The following EGR4 variants were observed in gnomAD, a reference collection of about 807,000 sequenced individuals.
EGR4 encodes early growth response protein 4.
A neutral mutation model predicts 25.4 loss-of-function variants in EGR4; 22 were observed. The observed-to-expected ratio is 0.87, with a 90% CI of 0.62 to 1.24. The LOEUF (loss-of-function observed/expected upper bound fraction) is 1.24, where lower values mean the gene tolerates loss of function less well. EGR4 is among the 50% of genes most tolerant of loss of function. The pLI, the probability that EGR4 is intolerant of heterozygous loss-of-function variation, is 0.00. For missense variants in EGR4, 742 were observed against 702.9 expected, an observed-to-expected ratio of 1.06 and a Z score of -0.63; for synonymous variants, 375 against 320.1, an observed-to-expected ratio of 1.17 and a Z score of -1.83.
rs1423428857 is a variant in EGR4, at chr2:73,291,953, G to A, written c.965C>T (p.Ala322Val). The A allele has an allele frequency of 3.1e-6, 5 of 1,590,258 alleles. No homozygotes were observed. The highest frequency in any genetic ancestry group is 4.3e-6 in the Non-Finnish European group (5 of 1,169,838). The change falls in exon 2 of 2, where the codon GCG becomes GTG. Residue 322 changes from alanine (A) to valine (V), a missense_variant. Coordinates refer to ENST00000436467, the MANE Select transcript of EGR4 (RefSeq NM_001965.4). The part of the protein sequence containing the change: ...SPLGLRSAAA[A>V]DFPKPLVADI... ...CGCCACCAGAGGTTTAGGGAAGTCCGCCGCGGCGGCGCTGCGAAGGCCCAG... is the reference window on the plus strand; with the variant it reads ...CGCCACCAGAGGTTTAGGGAAGTCCACCGCGGCGGCGCTGCGAAGGCCCAG...
Position 73,293,308 on chromosome 2 carries a change from G to C in EGR4, c.10C>G (p.Leu4Val), listed in dbSNP as rs1689148584. The change falls in exon 1 of 2, where the codon CTT becomes GTT. Residue 4 changes from leucine to valine, a missense_variant. Leu to Val is a conservative substitution (Grantham distance 32, BLOSUM62 1). Coordinates refer to ENST00000436467, the MANE Select transcript of EGR4 (RefSeq NM_001965.4). MLH[L>V]SEFSEPDALL... is the part of the protein sequence containing the mutation. ...GCGTCGGGTTCGGAAAACTCGCTAAGGTGGAGCATGGCGCGGCGCCGGCTG... is the reference window on the plus strand; with the variant it reads ...GCGTCGGGTTCGGAAAACTCGCTAACGTGGAGCATGGCGCGGCGCCGGCTG... 1 of 1,583,990 alleles carries C rather than the reference G, an allele frequency of 6.3e-7. No individual in the cohort carries two copies. The highest frequency in any genetic ancestry group is 8.6e-7 in the Non-Finnish European group (1 of 1,168,000).
Position 73,291,239 on chromosome 2 carries a change from C to T in EGR4, c.*218G>A, listed in dbSNP as rs563581257. 3 of 621,504 alleles carry T rather than the reference C, an allele frequency of 4.8e-6. No homozygotes were observed. Among genetic ancestry groups the T allele is most frequent in the Admixed American group, 3.4e-5 (1 of 29,774 alleles). The allele number at this position is 621,504 out of a possible 1,614,324, so 38.5% of individuals were successfully genotyped here. On this transcript the variant is annotated 3_prime_UTR_variant, in exon 2 of 2. Coordinates refer to ENST00000436467, the MANE Select transcript of EGR4 (RefSeq NM_001965.4). The stretch of plus-strand genomic sequence containing the variant: ...GTCTCAGAAGACTTCCCCCAAAGCG[C>T]GGCTGACAAGGGTGACAGCGCCTGG...
Position 73,291,189 on chromosome 2 carries a change from C to T in EGR4, c.*268G>A, listed in dbSNP as rs1339501192. On this transcript the variant is annotated 3_prime_UTR_variant, in exon 2 of 2. Transcript: ENST00000436467. ...AGTTACAAAAGACTGTCTTGAATCC[C>T]AGGGTAGTGCCTATTCACTGGGTGG... 1 of 515,860 alleles carries T rather than the reference C, an allele frequency of 1.9e-6. No homozygotes were observed. Among genetic ancestry groups the T allele is most frequent in the African/African-American group, 1.9e-5 (1 of 51,416 alleles). 32.0% of individuals were successfully genotyped at this position (515,860 alleles called of 1,614,324 possible).
Position 73,292,527 on chromosome 2 carries a change from GA to G in EGR4, c.390del (p.Pro131LeufsTer105). Reference protein sequence around the residue: ...AASRSPLDAPFPAGSDALLPG... With the variant: ...AASRSPLDAPXPAGSDALLPG... ...GGCAGCAAGGCATCGGACCCCGCAGGAAAAGGGGCATCCAGCGGGGATCTGG... is the reference window on the plus strand; with the variant it reads ...GGCAGCAAGGCATCGGACCCCGCAGGAAAGGGGCATCCAGCGGGGATCTGG... On this transcript the variant is annotated frameshift_variant, in exon 2 of 2. Coordinates refer to ENST00000436467, the MANE Select transcript of EGR4 (RefSeq NM_001965.4). LOFTEE classifies it high-confidence loss of function. 1 of 1,517,614 alleles carries G rather than the reference GA, an allele frequency of 6.6e-7. No homozygotes were observed. The highest frequency in any genetic ancestry group is 1.3e-5 in the South Asian group (1 of 74,604). 94.0% of individuals were successfully genotyped at this position (1,517,614 alleles called of 1,614,324 possible).
In EGR4 at chr2:73,292,274, G is replaced by A. The variant is rs1425243858; in HGVS notation, c.644C>T (p.Ala215Val). ...YAPWELLSVG[A>V]PGNCGSQGDY... ...TCCCTGTGACCCACAGTTCCCTGGG[G>A]CCCCCACAGAAAGCAGCTCCCAGGG... The change falls in exon 2 of 2, where the codon GCC (alanine) becomes GTC (valine). Residue 215 changes from alanine (A) to valine (V), a missense_variant. Physicochemically the swap from Ala to Val is moderately conservative, Grantham distance 64 (BLOSUM62 0). Transcript: ENST00000436467. 1 of 1,610,328 alleles carries A rather than the reference G, an allele frequency of 6.2e-7. No homozygotes were observed. Among genetic ancestry groups the A allele is most frequent in the Admixed American group, 1.7e-5 (1 of 59,776 alleles).
In EGR4 at chr2:73,293,303, G is replaced by A. The variant is rs1353887472; in HGVS notation, c.15C>T (p.Ser5=). The change falls in exon 1 of 2, where the codon AGC becomes AGT. Residue 5 remains serine, a synonymous_variant. Transcript: ENST00000436467. ...GGAGCGCGTCGGGTTCGGAAAACTC[G>A]CTAAGGTGGAGCATGGCGCGGCGCC... MLHL[S]EFSEPDALLV... 6.3e-7 allele frequency: 1 copy of A among 1,587,622 alleles called. No homozygotes were observed.
At position 73,292,695 on chromosome 2, in the gene EGR4, T is replaced by G; in HGVS notation, c.223A>C (p.Thr75Pro). The G allele has an allele frequency of 6.6e-7, 1 of 1,520,960 alleles. No homozygotes were observed. The highest frequency in any genetic ancestry group is 8.8e-7 in the Non-Finnish European group (1 of 1,135,210). 94.2% of individuals were successfully genotyped at this position (1,520,960 alleles called of 1,614,324 possible). Reference protein sequence around the residue: ...DSCFLEGPAPTPPPGLSYSGS... With the variant: ...DSCFLEGPAPPPPPGLSYSGS... ...CTGTAGCTGAGGCCGGGAGGGGGTG[T>G]GGGCGCAGGCCCCTCCAGGAAGCAG... is the stretch of plus-strand genomic sequence containing the variant. The change falls in exon 2 of 2, where the codon ACA becomes CCA. Residue 75 changes from threonine (T) to proline (P), a missense_variant. Transcript: ENST00000436467.
chr2:73,292,583 G>A lies in EGR4; in HGVS notation c.335C>T (p.Ala112Val). 6.6e-7 allele frequency: 1 copy of A among 1,512,684 alleles called. No homozygotes were observed. The highest frequency in any genetic ancestry group is 8.8e-7 in the Non-Finnish European group (1 of 1,130,704). The allele number at this position is 1,512,684 out of a possible 1,614,324, so 93.7% of individuals were successfully genotyped here. ...FNLMSGILGLAPFPGPEAAAS... is the reference protein window; with the variant it reads ...FNLMSGILGLVPFPGPEAAAS... The stretch of plus-strand genomic sequence containing the variant: ...TGCTGCCTCTGGACCGGGGAAGGGT[G>A]CCAGGCCTAAGATGCCCGACATGAG... The change falls in exon 2 of 2, where the codon GCA becomes GTA. Residue 112 changes from alanine to valine, a missense_variant. By Grantham distance (64) the Ala-to-Val change is moderately conservative. Coordinates refer to ENST00000436467, the MANE Select transcript of EGR4 (RefSeq NM_001965.4).
chr2:73,293,459 G>A lies in EGR4; in HGVS notation c.-142C>T, dbSNP rs748058847. ...CTCCTGGCTTCGGGCACTCACCTCTGGGAAAGGAGTCGGGGAGCCGCGGCG... is the reference window on the plus strand; with the variant it reads ...CTCCTGGCTTCGGGCACTCACCTCTAGGAAAGGAGTCGGGGAGCCGCGGCG... On this transcript the variant is annotated 5_prime_UTR_variant, in exon 1 of 2. Transcript: ENST00000436467. 1.8e-5 allele frequency: 28 copies of A among 1,517,214 alleles called. No individual in the cohort carries two copies. Among genetic ancestry groups the A allele is most frequent in the Non-Finnish European group, 2.5e-5 (28 of 1,133,728 alleles). The allele number at this position is 1,517,214 out of a possible 1,614,324, so 94.0% of individuals were successfully genotyped here.
In EGR4 at chr2:73,291,259, G is replaced by C. The variant is rs938954396; in HGVS notation, c.*198C>G. 1.2e-5 allele frequency: 9 copies of C among 735,880 alleles called. No homozygotes were observed. The African/African-American group carries it at 1.3e-4, about 10-fold the overall frequency. 45.6% of individuals were successfully genotyped at this position (735,880 alleles called of 1,614,324 possible). A position where few individuals can be genotyped will look rare whatever the true frequency, so the allele number is the denominator to read the frequency against. On this transcript the variant is annotated 3_prime_UTR_variant, in exon 2 of 2. Transcript: ENST00000436467. ...AAGCGCGGCTGACAAGGGTGACAGC[G>C]CCTGGACCGCGGGAACTGTCCGCGG...
Position 73,291,752 on chromosome 2 carries a change from C to G in EGR4, c.1166G>C (p.Arg389Pro). Residue 389 changes from arginine (R) to proline (P), a missense_variant, in exon 2 of 2, where the codon CGG (arginine) becomes CCG (proline). Physicochemically the swap from Arg to Pro is moderately radical, Grantham distance 103. Coordinates refer to ENST00000436467, the MANE Select transcript of EGR4 (RefSeq NM_001965.4). ...AFACPVESCV[R>P]SFARSDELNR... Reference sequence around the variant, plus strand: ...GAGCTCGTCGGAGCGCGCAAAGCTCCGCACACAACTCTCCACCGGGCAAGC... The same window carrying G: ...GAGCTCGTCGGAGCGCGCAAAGCTCGGCACACAACTCTCCACCGGGCAAGC... 6.2e-7 allele frequency: 1 copy of G among 1,602,272 alleles called. No individual in the cohort carries two copies. The highest frequency in any genetic ancestry group is 8.5e-7 in the Non-Finnish European group (1 of 1,179,696).
rs763702513 is a variant in EGR4 at position 73,291,419 on chromosome 2, C to G, written c.*38G>C. The G allele has an allele frequency of 1.3e-6, 2 of 1,533,212 alleles. No homozygotes were observed. The highest frequency in any genetic ancestry group is 1.8e-6 in the Non-Finnish European group (2 of 1,142,246). The allele number at this position is 1,533,212 out of a possible 1,614,324, so 95.0% of individuals were successfully genotyped here. A position where few individuals can be genotyped will look rare whatever the true frequency, so the allele number is the denominator to read the frequency against. On this transcript the variant is annotated 3_prime_UTR_variant, in exon 2 of 2. Transcript: ENST00000436467. ...GGAACGGCCCGGAACTCGTGCGCGC[C>G]GAACGGCGGCGCCCCAACCCATAAA...
At position 73,291,364 on chromosome 2, in the gene EGR4, C is replaced by A; in HGVS notation, c.*93G>T. ...GACCGGAGGCCGGCCCTCGGGCGTGCGAGGAGGAGTTGGAAGAAGAGCGGG... is the reference window on the plus strand; with the variant it reads ...GACCGGAGGCCGGCCCTCGGGCGTGAGAGGAGGAGTTGGAAGAAGAGCGGG... On this transcript the variant is annotated 3_prime_UTR_variant, in exon 2 of 2. Transcript: ENST00000436467. The A allele has an allele frequency of 2.7e-6, 4 of 1,496,366 alleles. No individual in the cohort carries two copies. 92.7% of individuals were successfully genotyped at this position (1,496,366 alleles called of 1,614,324 possible).
In EGR4 at chr2:73,291,495, C is replaced by T. The variant is rs1053349350; in HGVS notation, c.1423G>A (p.Gly475Ser). Residue 475 changes from glycine (G) to serine (S), a missense_variant, in exon 2 of 2, where the codon GGC (glycine) becomes AGC (serine). By Grantham distance (56) the Gly-to-Ser change is moderately conservative. Transcript: ENST00000436467. ...AAGGAGAGGCCCAGCGAGTAAAAGC[C>T]GAGGCCCTTGAGCCGCTCCTCGGCG... ...ARAEERLKGL[G>S]FYSLGLSFAS... 5 of 1,610,460 alleles carry T rather than the reference C, an allele frequency of 3.1e-6. No individual in the cohort carries two copies. Among genetic ancestry groups the T allele is most frequent in the African/African-American group, 1.3e-5 (1 of 74,804 alleles).
Position 73,291,437 on chromosome 2 carries a change from C to G in EGR4, c.*20G>C, listed in dbSNP as rs756619795. 7.6e-6 allele frequency: 12 copies of G among 1,570,968 alleles called. No homozygotes were observed. Among genetic ancestry groups the G allele is most frequent in the South Asian group, 4.8e-5 (4 of 83,980 alleles). On this transcript the variant is annotated 3_prime_UTR_variant, in exon 2 of 2. Coordinates refer to ENST00000436467, the MANE Select transcript of EGR4 (RefSeq NM_001965.4). ...TGCGCGCCGAACGGCGGCGCCCCAA[C>G]CCATAAACCCATCTCTTGCTCAGAG... is the stretch of plus-strand genomic sequence containing the variant.
rs1689102517 is a variant in EGR4 at position 73,291,625 on chromosome 2, G to C, written c.1293C>G (p.Thr431=). Reference sequence around the variant, plus strand: ...AAGCAAAAGGCTTCTCGCCGGTGTGGGTGCGCACGTGCGTGGTGAGGTGGT... The same window carrying C: ...AAGCAAAAGGCTTCTCGCCGGTGTGCGTGCGCACGTGCGTGGTGAGGTGGT... ...RSDHLTTHVR[T]HTGEKPFACD... Residue 431 remains threonine (T), a synonymous_variant, in exon 2 of 2, where the codon ACC becomes ACG. Transcript: ENST00000436467. 1.9e-6 allele frequency: 3 copies of C among 1,612,822 alleles called. No individual in the cohort carries two copies. The highest frequency in any genetic ancestry group is 2.5e-6 in the Non-Finnish European group (3 of 1,179,924).
In EGR4 at chr2:73,291,268, G is replaced by C; in HGVS notation, c.*189C>G. ...TGACAAGGGTGACAGCGCCTGGACC[G>C]CGGGAACTGTCCGCGGAGCTGGTGC... On this transcript the variant is annotated 3_prime_UTR_variant, in exon 2 of 2. Coordinates refer to ENST00000436467, the MANE Select transcript of EGR4 (RefSeq NM_001965.4). 2 of 807,514 alleles carry C rather than the reference G, an allele frequency of 2.5e-6. No individual in the cohort carries two copies. The highest frequency in any genetic ancestry group is 3.7e-6 in the Non-Finnish European group (2 of 533,788). The allele number at this position is 807,514 out of a possible 1,614,324, so 50.0% of individuals were successfully genotyped here. A position where few individuals can be genotyped will look rare whatever the true frequency, so the allele number is the denominator to read the frequency against.
Position 73,291,900 on chromosome 2 carries a change from C to T in EGR4, c.1018G>A (p.Ala340Thr). 1.3e-6 allele frequency: 2 copies of T among 1,573,106 alleles called. No individual in the cohort carries two copies. Among genetic ancestry groups the T allele is most frequent in the East Asian group, 2.3e-5 (1 of 42,830 alleles). ...ADIPGSSGVA[A>T]PPVPPPPPTP... is the part of the protein sequence containing the mutation. ...GGCGGCGGCGGCGGCACGGGTGGTG[C>T]AGCCACGCCACTGCTTCCAGGGATG... The change falls in exon 2 of 2, where the codon GCA becomes ACA. Residue 340 changes from alanine to threonine, a missense_variant. Physicochemically the swap from Ala to Thr is moderately conservative, Grantham distance 58 (BLOSUM62 0). Transcript: ENST00000436467.
In EGR4 at chr2:73,291,655, G is replaced by A. The variant is rs1291700543; in HGVS notation, c.1263C>T (p.Arg421=). 6.2e-7 allele frequency: 1 copy of A among 1,612,032 alleles called. No individual in the cohort carries two copies. Among genetic ancestry groups the A allele is most frequent in the Non-Finnish European group, 8.5e-7 (1 of 1,179,922 alleles). Residue 421 remains arginine, a synonymous_variant, in exon 2 of 2, where the codon CGC becomes CGT. Transcript: ENST00000436467. ...GCACGTGCGTGGTGAGGTGGTCGCT[G>A]CGGCTGAAGTTGCGGAGGCAGATGC... ...QCRICLRNFS[R]SDHLTTHVRT...
Sources: allele counts gnomAD v4.1 joint callset, GRCh38; gene constraint gnomAD v4.1.1; transcripts MANE v1.5; gene names NCBI Gene and HGNC (gene_info 2026-07-23, HGNC 2026-07-21).